Variants in ESR2 observed in about 807,000 individuals in gnomAD.
The protein encoded by ESR2 is estrogen receptor beta.
ESR2 carries 36 observed loss-of-function variants against 49.6 expected under a neutral mutation model. The observed-to-expected ratio is 0.73, with a 90% CI of 0.56 to 0.96. The LOEUF (loss-of-function observed/expected upper bound fraction) is 0.96, where lower values mean the gene tolerates loss of function less well. Among genes scored for constraint, ESR2 ranks in the 40% least tolerant of loss-of-function variants. ESR2 has a pLI of 0.00. For missense variants in ESR2, 714 were observed against 693.0 expected, an observed-to-expected ratio of 1.03 and a Z score of -0.34; for synonymous variants, 320 against 266.1, an observed-to-expected ratio of 1.20 and a Z score of -1.97.
intron 7 of ESR2, among the ~76,000 whole-genome samples, chr14:64,239,123 C>A (rs553628074): frequency 2.0e-5 from 3 of 152,182 alleles, no homozygotes; most frequent in Non-Finnish European, 4.4e-5. Flanking sequence ...AGGAAAGGAA[C>A]CTCTGGCCAT....
At position 64,280,111 on chromosome 14, in the gene ESR2, G is replaced by A. The variant is rs749716786; in HGVS notation, c.405C>T (p.Ser135=). Residue 135 remains serine, a synonymous_variant, in exon 3 of 9, where the codon AGC becomes AGT. Transcript: ENST00000341099. ...KRKVSGNRCA[S]PVTGPGSKRD... ...TCTTTGAACCTGGACCAGTAACAGGGCTGGCGCAACGGTTCCCACTAACCT... is the reference window on the plus strand; with the variant it reads ...TCTTTGAACCTGGACCAGTAACAGGACTGGCGCAACGGTTCCCACTAACCT... The A allele has an allele frequency of 1.2e-6, 2 of 1,614,126 alleles. No individual in the cohort carries two copies. Among genetic ancestry groups the A allele is most frequent in the East Asian group, 2.2e-5 (1 of 44,884 alleles).
chr14:64,287,552 CTT>C (rs1431260369), intron 1 of ESR2, among the ~76,000 whole-genome samples: 1 of 152,176 alleles, frequency 6.6e-6, no homozygotes, highest in East Asian at 1.9e-4. Context: ...CAGATTAACT[CTT>C]TGTCAGTGGC....
rs914204512 is a variant in ESR2, at chr14:64,228,943, C to T, written c.*4194G>A. 3.9e-5 allele frequency among the ~76,000 whole-genome samples: 6 copies of T among 152,138 alleles called. No individual in the cohort carries two copies. Among genetic ancestry groups the T allele is most frequent in the African/African-American group, 1.4e-4 (6 of 41,428 alleles). On this transcript the variant is annotated 3_prime_UTR_variant, in exon 9 of 9. Coordinates refer to ENST00000341099, the MANE Select transcript of ESR2 (RefSeq NM_001437.3). ...TGAGAGCTATAAAGAATAAGTGGCA[C>T]GTGTTTTCACACTGTAGTATATCAC...
downstream of ESR2, chr14:64,227,484 G>GA (rs768344166): frequency 8.3e-4 from 1,330 of 1,595,674 alleles, no homozygotes; most frequent in Non-Finnish European, 1.0e-3. Flanking sequence ...AAACTGAAGT[G>GA]AAAATGTTAC....
At chr14:64,335,848 G>A (rs1439834520) in intron 1 of ESR2, 1 of 131,142 alleles carries the variant, frequency 7.6e-6, no homozygotes, top group African/African-American at 3.0e-5. Flanking sequence ...CTGTAACCCA[G>A]GCTAGAAGTA....
chr14:64,308,855 G>T (rs1463520157), intron 1 of ESR2, among the ~76,000 whole-genome samples: 1 of 151,980 alleles, frequency 6.6e-6, no homozygotes, highest in African/African-American at 2.4e-5. Context: ...ATAGCTCATT[G>T]TAACCTCAAA....
chr14:64,310,052 C>A (rs2077166521), intron 1 of ESR2, among the ~76,000 whole-genome samples: 1 of 151,726 alleles, frequency 6.6e-6, no homozygotes, highest in Non-Finnish European at 1.5e-5. Flanking sequence ...CGCCACTGTA[C>A]TGCAGCCTGG....
In ESR2 at chr14:64,317,157, T is replaced by C. The variant is rs143855617; in HGVS notation, c.-91+20741A>G. On this transcript the variant is annotated intron_variant, in intron 1 of 8. Coordinates refer to the ESR2 transcript ENST00000358599. ...GGCACACACCTGTAGTTCCAGCTAC[T>C]CAGGAGGCTGAGGTGGGAGAACCAC... Among the ~76,000 whole-genome samples, 859 of 152,198 alleles carry C rather than the reference T, an allele frequency of 5.6e-3. 11 individuals carry two copies. The highest frequency in any genetic ancestry group is 0.02 in the African/African-American group (832 of 41,550).
At chr14:64,235,942 C>T (rs2075588733) in intron 7 of ESR2, among the ~76,000 whole-genome samples, 1 of 152,178 alleles carries the variant, frequency 6.6e-6, no homozygotes, top group Admixed American at 6.5e-5. Context: ...CCCCCCGACC[C>T]CTGCCTGACT....
intron 1 of ESR2, among the ~76,000 whole-genome samples, chr14:64,288,816 GTCTCTAC>G: frequency 6.6e-6 from 1 of 151,340 alleles, no homozygotes; most frequent in Non-Finnish European, 1.5e-5. Flanking sequence ...GAGAAACCCA[GTCTCTAC>G]TAAAAATACA....
intron 1 of ESR2, among the ~76,000 whole-genome samples, chr14:64,303,062 A>G (rs2077046066): frequency 2.0e-5 from 3 of 152,034 alleles, no homozygotes; most frequent in Non-Finnish European, 4.4e-5. Flanking sequence ...GGCCTCCCAA[A>G]TTGCTGGGAT....
rs115901106 is a variant in ESR2 at position 64,277,839 on chromosome 14, G to A, written c.535+2142C>T. ...TAACTCTTTCCTCTTTGCACATTTA[G>A]AATTTGACATTCCTGTCTGATGCAG... On this transcript the variant is annotated intron_variant, in intron 3 of 8. Transcript: ENST00000341099. Among the ~76,000 whole-genome samples the A allele has an allele frequency of 1.8e-3, 270 of 152,112 alleles. 1 individual carries two copies. Among genetic ancestry groups the A allele is most frequent in the African/African-American group, 6.2e-3 (258 of 41,510 alleles).
Position 64,260,709 on chromosome 14 carries a change from C to G in ESR2, c.692G>C (p.Arg231Thr). The G allele has an allele frequency of 6.4e-7, 1 of 1,551,432 alleles. No individual in the cohort carries two copies. The highest frequency in any genetic ancestry group is 8.7e-7 in the Non-Finnish European group (1 of 1,145,476). Residue 231 changes from arginine to threonine, a missense_variant, in exon 5 of 9, where the codon AGA (arginine) becomes ACA (threonine). By Grantham distance (71) the Arg-to-Thr change is moderately conservative (BLOSUM62 -1). Transcript: ENST00000341099. ...CAGCTGCTCGTCGGCACTTCTCTGTCTCCGCACAAGGCGGTACCCACATCT... is the reference window on the plus strand; with the variant it reads ...CAGCTGCTCGTCGGCACTTCTCTGTGTCCGCACAAGGCGGTACCCACATCT... ...RERCGYRLVR[R>T]QRSADEQLHC...
At chr14:64,256,616 C>T (rs1157497111) in intron 6 of ESR2, among the ~76,000 whole-genome samples, 1 of 152,090 alleles carries the variant, frequency 6.6e-6, no homozygotes, top group Non-Finnish European at 1.5e-5. Flanking sequence ...GTGATCCCAA[C>T]TACTTGAGAG....
In ESR2 at chr14:64,263,785, C is replaced by T. The variant is rs963063762; in HGVS notation, c.653-3037G>A. Among the ~76,000 whole-genome samples, 3 of 152,170 alleles carry T rather than the reference C, an allele frequency of 2.0e-5. No homozygotes were observed. The East Asian group carries it at 5.8e-4, about 29-fold the overall frequency. On this transcript the variant is annotated intron_variant, in intron 4 of 8. Transcript: ENST00000341099. ...CGGGCTATTTAAATCTCTCTCTCAACAGCTGAAAGAGCAAAAAGTCAGAAT... is the reference window on the plus strand; with the variant it reads ...CGGGCTATTTAAATCTCTCTCTCAATAGCTGAAAGAGCAAAAAGTCAGAAT...
intron 1 of ESR2, among the ~76,000 whole-genome samples, chr14:64,291,961 A>G (rs2076877594): frequency 6.6e-6 from 1 of 152,190 alleles, no homozygotes; most frequent in South Asian, 2.1e-4. Flanking sequence ...TTCTATTAAT[A>G]TGATATAAAT....
At chr14:64,281,606 C>T (rs189568686) in intron 2 of ESR2, among the ~76,000 whole-genome samples, 223 of 152,194 alleles carry the variant, frequency 1.5e-3, no homozygotes, top group Admixed American at 1.1e-3. Flanking sequence ...TTTCAATATC[C>T]AACATGCCCT....
At chr14:64,238,498 A>G (rs2075653585) in intron 7 of ESR2, among the ~76,000 whole-genome samples, 1 of 152,182 alleles carries the variant, frequency 6.6e-6, no homozygotes, top group Non-Finnish European at 1.5e-5. Flanking sequence ...CTGGCTCTCC[A>G]GTCAGCAGTG....
chr14:64,299,962 G>T (rs1251962513), intron 1 of ESR2, among the ~76,000 whole-genome samples: 1 of 151,992 alleles, frequency 6.6e-6, no homozygotes, highest in Non-Finnish European at 1.5e-5. Context: ...TACTGTCCAG[G>T]CAGTTTAGCT....
Sources: allele counts gnomAD v4.1 joint callset (sites outside exome capture counted in the v4.1 genomes callset), GRCh38; gene constraint gnomAD v4.1.1; transcripts MANE v1.5; gene names NCBI Gene and HGNC (gene_info 2026-07-23, HGNC 2026-07-21).